Variants in MICAL3 observed in about 807,000 individuals in gnomAD.
The protein encoded by MICAL3 is [F-actin]-monooxygenase MICAL3.
Under a neutral mutation model 207.4 loss-of-function variants are expected in MICAL3, and 62 were observed. The observed-to-expected ratio is 0.30, with a 90% CI of 0.24 to 0.37. MICAL3 has a LOEUF of 0.37. Ranked by LOEUF, MICAL3 falls within the 10% of genes least tolerant of loss-of-function variation. The probability of loss-of-function intolerance (pLI) is 1.00; values close to 1 mark genes in which losing one functional copy is unlikely to be tolerated. For missense variants in MICAL3, 2,368 were observed against 2,635.6 expected (o/e 0.90, Z 2.22); for synonymous variants, 1,077 against 1,069.3 (o/e 1.01, Z -0.14).
chr22:17,875,638 G>T, intron 16 of MICAL3: 9 of 564,400 alleles, frequency 1.6e-5, no homozygotes, highest in East Asian at 6.2e-5. Flanking sequence ...TAAGATGGTT[G>T]TAGAGCCTTT....
chr22:17,803,094 C>T (rs1002698253), intron 29 of MICAL3, among the ~76,000 whole-genome samples: 1 of 152,210 alleles, frequency 6.6e-6, no homozygotes, highest in African/African-American at 2.4e-5. Context: ...GTTTCTGATT[C>T]TGCAGGTCTG....
At chr22:17,962,062 A>T (rs968449706) in intron 1 of MICAL3, among the ~76,000 whole-genome samples, 1 of 152,226 alleles carries the variant, frequency 6.6e-6, no homozygotes, top group Non-Finnish European at 1.5e-5. Context: ...TGCTTCTTAC[A>T]GATAATTTTC....
intron 29 of MICAL3, among the ~76,000 whole-genome samples, chr22:17,792,910 C>T (rs924422123): frequency 1.3e-5 from 2 of 152,244 alleles, no homozygotes; most frequent in Non-Finnish European, 2.9e-5. Flanking sequence ...CCATGCATTG[C>T]TTTCGGAGCG....
intron 1 of MICAL3, among the ~76,000 whole-genome samples, chr22:17,984,984 G>A (rs979597996): frequency 1.8e-4 from 27 of 152,026 alleles, no homozygotes; most frequent in African/African-American, 5.3e-4. Flanking sequence ...TGAGTGCCCC[G>A]GAAAAATGGA....
chr22:17,896,119 A>G, intron 9 of MICAL3, 127 bp downstream of exon 9: 1 of 575,422 alleles, frequency 1.7e-6, no homozygotes, highest in Non-Finnish European at 3.1e-6. Context: ...CCTCTTTTCC[A>G]CATGAAAACA....
At chr22:17,813,284 G>A (rs534479933) in intron 27 of MICAL3, 11 of 152,314 alleles carry the variant, frequency 7.2e-5, no homozygotes, top group Admixed American at 2.0e-4. Flanking sequence ...CATATTAAAC[G>A]GCTGAAAGGC....
rs2061801581 is a variant in MICAL3, at chr22:17,788,216, C to T, written c.*2516G>A. The T allele has an allele frequency of 6.6e-6, 1 of 152,286 alleles. No individual in the cohort carries two copies. Among genetic ancestry groups the T allele is most frequent in the South Asian group, 2.1e-4 (1 of 4,836 alleles). The allele number at this position is 152,286 out of a possible 1,614,324, so 9.4% of individuals were successfully genotyped here. Reference sequence around the variant, plus strand: ...AAAGTGCTCTACTAGAACTGGGTGTCCTCACAGTCGGGAGCAGAAGGCTGG... The same window carrying T: ...AAAGTGCTCTACTAGAACTGGGTGTTCTCACAGTCGGGAGCAGAAGGCTGG... On this transcript the variant is annotated 3_prime_UTR_variant, in exon 32 of 32. Transcript: ENST00000441493.
chr22:17,999,574 G>A (rs1569162571), intron 1 of MICAL3, among the ~76,000 whole-genome samples: 1 of 152,114 alleles, frequency 6.6e-6, no homozygotes, highest in Admixed American at 6.5e-5. Context: ...AGTTCTTCAC[G>A]TACATTATTT....
At chr22:17,836,339 C>T (rs1351385347) in intron 20 of MICAL3, among the ~76,000 whole-genome samples, 1 of 152,220 alleles carries the variant, frequency 6.6e-6, no homozygotes, top group East Asian at 1.9e-4. Flanking sequence ...TGCTCTAGGT[C>T]ACGGGGCTGC....
At chr22:17,882,311 G>A (rs2146210735) in intron 16 of MICAL3, among the ~76,000 whole-genome samples, 1 of 152,314 alleles carries the variant, frequency 6.6e-6, no homozygotes, top group Non-Finnish European at 1.5e-5. Context: ...GCTGAGGCGG[G>A]CCCTTCTGTC....
At chr22:17,839,225 A>G (rs943031020) in intron 20 of MICAL3, among the ~76,000 whole-genome samples, 2 of 150,558 alleles carry the variant, frequency 1.3e-5, no homozygotes, top group African/African-American at 4.9e-5. Context: ...CTGGGATTAC[A>G]GGCATGAGCT....
intron 19 of MICAL3, among the ~76,000 whole-genome samples, chr22:17,850,815 G>C (rs1028812922): frequency 5.3e-5 from 8 of 152,136 alleles, no homozygotes; most frequent in African/African-American, 1.7e-4. Flanking sequence ...AATGTATCTG[G>C]TCAAGGCAAA....
intron 20 of MICAL3, among the ~76,000 whole-genome samples, chr22:17,833,277 A>G (rs1420233117): frequency 6.6e-6 from 1 of 151,738 alleles, no homozygotes; most frequent in African/African-American, 2.4e-5. Flanking sequence ...TGGTCTGATA[A>G]TTCCCAAAGC....
chr22:17,994,724 AAAAAAAAAAG>A (rs1436915918), intron 1 of MICAL3, among the ~76,000 whole-genome samples: 1 of 151,652 alleles, frequency 6.6e-6, no homozygotes, highest in Admixed American at 6.6e-5. Context: ...TCTGTCTCAA[AAAAAAAAAAG>A]AAAAAAAAAG....
At chr22:17,873,053 G>T (rs1019610975) in intron 16 of MICAL3, among the ~76,000 whole-genome samples, 6 of 152,196 alleles carry the variant, frequency 3.9e-5, no homozygotes, top group Admixed American at 6.5e-5. Context: ...CAGTGTCCAC[G>T]CAGGGGTACC....
chr22:17,968,131 G>A (rs188646176), intron 1 of MICAL3, among the ~76,000 whole-genome samples: 135 of 152,270 alleles, frequency 8.9e-4, no homozygotes, highest in Non-Finnish European at 1.0e-3. Flanking sequence ...CAAGTTTCAC[G>A]GAAGAAAGGG....
At chr22:17,812,987 G>A (rs1042453350) in intron 27 of MICAL3, 3 of 152,158 alleles carry the variant, frequency 2.0e-5, no homozygotes, top group East Asian at 3.8e-4. Flanking sequence ...AGTAGAAGTG[G>A]GGTGCGGGAG....
intron 1 of MICAL3, among the ~76,000 whole-genome samples, chr22:17,967,953 G>T (rs1019642800): frequency 3.3e-5 from 5 of 152,026 alleles, no homozygotes; most frequent in Middle Eastern, 3.4e-3. Flanking sequence ...TGAGGCAGGA[G>T]AATCGCTTGA....
rs1926917470 is a variant in MICAL3 at position 17,864,934 on chromosome 22, G to C, written c.2570C>G (p.Ala857Gly). Residue 857 changes from alanine (A) to glycine (G), a missense_variant, in exon 19 of 32, where the codon GCC becomes GGC. This residue lies in a region of MICAL3 where 1,770 missense variants were observed against 1,863.2 expected (regional missense o/e 0.95). Transcript: ENST00000441493. ...DGATTDANGR[A>G]NAVASSTERT... is the part of the protein sequence containing the mutation. ...CTCAGTGGAGCTGGCCACGGCGTTG[G>C]CCCGTCCGTTTGCATCTGTGGTGGC... 1 of 1,613,658 alleles carries C rather than the reference G, an allele frequency of 6.2e-7. No homozygotes were observed. The highest frequency in any genetic ancestry group is 1.3e-5 in the African/African-American group (1 of 74,870).
Sources: allele counts gnomAD v4.1 joint callset (sites outside exome capture counted in the v4.1 genomes callset), GRCh38; gene constraint gnomAD v4.1.1; regional missense constraint gnomAD v4.1.1; transcripts MANE v1.5; gene names NCBI Gene and HGNC (gene_info 2026-07-23, HGNC 2026-07-21).